TXNRD2: variants seen among roughly 807,000 people sequenced by gnomAD.
TXNRD2 encodes the protein thioredoxin reductase 2, mitochondrial.
A neutral mutation model predicts 70.8 loss-of-function variants in TXNRD2; 67 were observed. That is an observed-to-expected ratio of 0.95 (90% CI 0.78 to 1.16). TXNRD2 has a LOEUF of 1.16. TXNRD2 is among the 50% of genes most tolerant of loss of function. The pLI, the probability that TXNRD2 is intolerant of heterozygous loss-of-function variation, is 0.00. For missense variants in TXNRD2, 644 were observed against 719.9 expected, an observed-to-expected ratio of 0.89 and a Z score of 1.21; for synonymous variants, 301 against 295.8, an observed-to-expected ratio of 1.02 and a Z score of -0.18.
At chr22:19,886,109 C>A (rs1450633137) in intron 11 of TXNRD2, among the ~76,000 whole-genome samples, 1 of 152,220 alleles carries the variant, frequency 6.6e-6, no homozygotes, top group Non-Finnish European at 1.5e-5. Context: ...GACTCCACAG[C>A]CCTTCGGGAA....
chr22:19,889,469 G>A (rs549351692), intron 11 of TXNRD2, among the ~76,000 whole-genome samples: 1 of 152,218 alleles, frequency 6.6e-6, no homozygotes, highest in East Asian at 1.9e-4. Context: ...AAATTAGCTG[G>A]GCGCGGTGGC....
intron 8 of TXNRD2, among the ~76,000 whole-genome samples, chr22:19,905,865 A>C (rs1447299456): frequency 6.6e-6 from 1 of 151,700 alleles, no homozygotes; most frequent in African/African-American, 2.4e-5. Flanking sequence ...AGCCCAAGGA[A>C]GTAAAAGAAA....
chr22:19,893,574 G>A (rs1244133052), intron 11 of TXNRD2, among the ~76,000 whole-genome samples: 2 of 152,192 alleles, frequency 1.3e-5, no homozygotes, highest in Non-Finnish European at 2.9e-5. Context: ...TGCCAGTCCC[G>A]TCAGACAGCC....
chr22:19,912,011 G>A (rs1230306180), intron 7 of TXNRD2, among the ~76,000 whole-genome samples: 1 of 152,154 alleles, frequency 6.6e-6, no homozygotes, highest in Non-Finnish European at 1.5e-5. Context: ...AGTGCCACAG[G>A]CTGAGGTGGG....
intron 4 of TXNRD2, 152 bp from the exon 5 acceptor site, chr22:19,918,369 C>A (rs113107030): frequency 7.0e-6 from 5 of 718,676 alleles, no homozygotes; most frequent in Non-Finnish European, 4.8e-6. Context: ...TCCATCCCTA[C>A]GTGCAACCGC....
chr22:19,902,817 C>T (rs1364380240), intron 8 of TXNRD2, among the ~76,000 whole-genome samples: 2 of 152,202 alleles, frequency 1.3e-5, no homozygotes, highest in Admixed American at 6.5e-5. Context: ...TCCCATCACA[C>T]CAGCGGAATG....
rs756375635 is a variant in TXNRD2 at position 19,880,629 on chromosome 22, T to C, written c.1175A>G (p.Tyr392Cys). The change falls in exon 13 of 18, where the codon TAC becomes TGC. Residue 392 changes from tyrosine (Y) to cysteine (C), a missense_variant. Tyr to Cys is a radical substitution (Grantham distance 194, BLOSUM62 -2). Around this residue, in one of 3 missense-constraint regions of TXNRD2, gnomAD observed 566 missense variants for 645.0 expected, o/e 0.88. Transcript: ENST00000400521. ...LFGGSSDLMDYDNVPTTVFTP... is the reference protein window; with the variant it reads ...LFGGSSDLMDCDNVPTTVFTP... Reference sequence around the variant, plus strand: ...TCCTGCTAGAGAACTCACATTGTCGTAGTCCATCAGATCTGAGGACCCGCC... The same window carrying C: ...TCCTGCTAGAGAACTCACATTGTCGCAGTCCATCAGATCTGAGGACCCGCC... 4 of 1,613,322 alleles carry C rather than the reference T, an allele frequency of 2.5e-6. No homozygotes were observed. Among genetic ancestry groups the C allele is most frequent in the Non-Finnish European group, 3.4e-6 (4 of 1,179,920 alleles).
intron 13 of TXNRD2, among the ~76,000 whole-genome samples, 158 bp downstream of exon 13, chr22:19,880,462 GCA>G (rs1938716303): frequency 1.3e-5 from 2 of 152,182 alleles, no homozygotes. Flanking sequence ...ACCCATGCAT[GCA>G]CACACACGTG....
Position 19,911,423 on chromosome 22 carries a change from T to C in TXNRD2, c.616A>G (p.Ile206Val), listed in dbSNP as rs769565601. The C allele has an allele frequency of 1.9e-6, 3 of 1,614,034 alleles. No individual in the cohort carries two copies. In the East Asian group the frequency reaches 6.7e-5, roughly 36 times the overall value. ...THIEGALEYG[I>V]TSDDIFWLKE... ...AGCCAGAAGATGTCATCACTTGTGA[T>C]TCCATATTCCAAGGCACCTTCGATC... The change falls in exon 8 of 18, where the codon ATC becomes GTC. Residue 206 changes from isoleucine to valine, a missense_variant. By Grantham distance (29) the Ile-to-Val change is conservative (BLOSUM62 3). Around this residue, in one of 3 missense-constraint regions of TXNRD2, gnomAD observed 566 missense variants for 645.0 expected, o/e 0.88. Coordinates refer to ENST00000400521, the MANE Select transcript of TXNRD2 (RefSeq NM_006440.5).
intron 2 of TXNRD2, among the ~76,000 whole-genome samples, chr22:19,919,955 C>A (rs113896230): frequency 1.2e-4 from 19 of 152,300 alleles, no homozygotes; most frequent in Non-Finnish European, 2.4e-4. Context: ...TGCATGTTCA[C>A]GTTCACCATA....
intron 5 of TXNRD2, 130 bp from the exon 6 acceptor site, chr22:19,915,973 C>T (rs903160547): frequency 6.7e-5 from 54 of 807,710 alleles, no homozygotes; most frequent in Non-Finnish European, 1.0e-4. Context: ...CTCAGATGGA[C>T]CAAGAGGTAA....
At chr22:19,927,400 A>G (rs1210068829) in intron 2 of TXNRD2, among the ~76,000 whole-genome samples, 2 of 152,090 alleles carry the variant, frequency 1.3e-5, no homozygotes, top group Non-Finnish European at 2.9e-5. Context: ...CATGCCTGTA[A>G]TCCAGCACTT....
chr22:19,881,252 CCGT>C (rs1436191315), intron 12 of TXNRD2: 2 of 397,400 alleles, frequency 5.0e-6, no homozygotes, highest in Non-Finnish European at 8.9e-6. Context: ...GGTTCCAGCA[CCGT>C]CCTCTGGGAT....
intron 14 of TXNRD2, among the ~76,000 whole-genome samples, chr22:19,878,887 G>A (rs556291744): frequency 1.4e-4 from 21 of 152,330 alleles, no homozygotes; most frequent in Middle Eastern, 3.4e-3. Context: ...TGGCCACACC[G>A]GAGCCGGAGC....
Position 19,911,436 on chromosome 22 carries a change from GGCACCTTCGATCT to G in TXNRD2, c.592-2_602del, listed in dbSNP as rs1346246087. 6.2e-7 allele frequency: 1 copy of G among 1,613,718 alleles called. No individual in the cohort carries two copies. The highest frequency in any genetic ancestry group is 8.5e-7 in the Non-Finnish European group (1 of 1,179,846). On this transcript the variant is annotated splice_acceptor_variant and coding_sequence_variant, in exon 8 of 18. Transcript: ENST00000400521. LOFTEE classifies it high-confidence loss of function. The stretch of plus-strand genomic sequence containing the variant: ...CATCACTTGTGATTCCATATTCCAA[GGCACCTTCGATCT>G]GTCAAGACAGAAATGACCCCTTGGA...
chr22:19,915,832 T>A lies in TXNRD2; in HGVS notation c.461A>T (p.Tyr154Phe), dbSNP rs886509891. 6 of 1,613,992 alleles carry A rather than the reference T, an allele frequency of 3.7e-6. No homozygotes were observed. The African/African-American group carries it at 6.7e-5, about 18-fold the overall frequency. The part of the protein sequence containing the change: ...RVQLQDRKVK[Y>F]FNIKASFVDE... Reference sequence around the variant, plus strand: ...AACAAAGCTGGCTTTGATGTTAAAGTACTTGACTTTTCTGAAAGATAAAGA... The same window carrying A: ...AACAAAGCTGGCTTTGATGTTAAAGAACTTGACTTTTCTGAAAGATAAAGA... Residue 154 changes from tyrosine to phenylalanine, a missense_variant, in exon 6 of 18, where the codon TAC (tyrosine) becomes TTC (phenylalanine). Coordinates refer to ENST00000400521, the MANE Select transcript of TXNRD2 (RefSeq NM_006440.5).
At chr22:19,883,835 C>T in intron 11 of TXNRD2, 1 of 267,276 alleles carries the variant, frequency 3.7e-6, no homozygotes, top group South Asian at 4.1e-5. Flanking sequence ...CACCTATAGT[C>T]CCAGCTACTC....
chr22:19,921,840 C>T (rs1940930790), intron 2 of TXNRD2, among the ~76,000 whole-genome samples: 1 of 152,216 alleles, frequency 6.6e-6, no homozygotes, highest in Admixed American at 6.5e-5. Context: ...AGAGCCCACA[C>T]AGGGCAGGGG....
At chr22:19,931,932 G>T (rs755402856) in intron 1 of TXNRD2, among the ~76,000 whole-genome samples, 3 of 151,964 alleles carry the variant, frequency 2.0e-5, no homozygotes, top group African/African-American at 4.8e-5. Context: ...AGGCCAAGGC[G>T]GGTGGATCAC....
Sources: allele counts gnomAD v4.1 joint callset (sites outside exome capture counted in the v4.1 genomes callset), GRCh38; gene constraint gnomAD v4.1.1; regional missense constraint gnomAD v4.1.1; transcripts MANE v1.5; gene names NCBI Gene and HGNC (gene_info 2026-07-23, HGNC 2026-07-21).